Variants in PRSS36 observed in about 807,000 individuals in gnomAD.
The protein encoded by PRSS36 is serine protease 36.
A neutral mutation model predicts 94.3 loss-of-function variants in PRSS36; 90 were observed. The observed-to-expected ratio is 0.95, with a 90% CI of 0.80 to 1.14. The LOEUF (loss-of-function observed/expected upper bound fraction) is 1.14. Ranked by LOEUF, PRSS36 falls within the 50% of genes most tolerant of loss-of-function variation. The pLI, the probability that PRSS36 is intolerant of heterozygous loss-of-function variation, is 0.00. For synonymous variants in PRSS36, 500 were observed against 489.6 expected (o/e 1.02, Z -0.28); for missense variants, 1,158 against 1,135.0 (o/e 1.02, Z -0.29).
Position 31,141,968 on chromosome 16 carries a change from A to C in PRSS36, c.1522-8T>G. On this transcript the variant is annotated splice_region_variant and splice_polypyrimidine_tract_variant and intron_variant, in intron 10 of 14. Coordinates refer to ENST00000268281, the MANE Select transcript of PRSS36 (RefSeq NM_173502.5). ...GCTCCAACGCGAGTCATTCTGCAGC[A>C]ACAAAGTGTGTGTGTTACTTGCCTC... The C allele has an allele frequency of 6.2e-7, 1 of 1,613,098 alleles. No homozygotes were observed. Among genetic ancestry groups the C allele is most frequent in the Non-Finnish European group, 8.5e-7 (1 of 1,179,096 alleles).
At position 31,149,677 on chromosome 16, in the gene PRSS36, C is replaced by A; in HGVS notation, c.73+19G>T. On this transcript the variant is annotated intron_variant, in intron 2 of 14. Coordinates refer to ENST00000268281, the MANE Select transcript of PRSS36 (RefSeq NM_173502.5). Reference sequence around the variant, plus strand: ...TTTCTGCCTCTGCACGTGACTTTCCCCCAGTCCGGCTACCTTACCTGAGTC... The same window carrying A: ...TTTCTGCCTCTGCACGTGACTTTCCACCAGTCCGGCTACCTTACCTGAGTC... 6.2e-7 allele frequency: 1 copy of A among 1,614,172 alleles called. No homozygotes were observed. The highest frequency in any genetic ancestry group is 8.5e-7 in the Non-Finnish European group (1 of 1,180,010).
intron 3 of PRSS36, 34 bp downstream of exon 3, chr16:31,149,429 T>C: frequency 6.2e-7 from 1 of 1,612,938 alleles, no homozygotes; most frequent in East Asian, 2.2e-5. Context: ...TTAGCCTCCT[T>C]TAAGGTCTGA....
intron 10 of PRSS36, 119 bp downstream of exon 10, chr16:31,142,362 G>A (rs2057711269): frequency 8.7e-7 from 1 of 1,153,530 alleles, no homozygotes; most frequent in Non-Finnish European, 1.1e-6. Context: ...ACTCGGACCC[G>A]CCTTCCGCAG....
rs780810486 is a variant in PRSS36 at position 31,143,389 on chromosome 16, C to T, written c.1053G>A (p.Ala351=). The T allele has an allele frequency of 6.2e-6, 10 of 1,612,460 alleles. No individual in the cohort carries two copies. The highest frequency in any genetic ancestry group is 3.3e-4 in the Middle Eastern group (2 of 6,058). Residue 351 remains alanine (A), a synonymous_variant, in exon 8 of 15, where the codon GCG becomes GCA. Coordinates refer to ENST00000268281, the MANE Select transcript of PRSS36 (RefSeq NM_173502.5). ...MVPGSRPCHG[A]LVSESWVLAP... is the part of the protein sequence containing the mutation. ...CCAAGACCCAGCTTTCAGACACCAG[C>T]GCCCCATGGCAGGGTCTGGATCCTG...
At position 31,139,084 on chromosome 16, in the gene PRSS36, T is replaced by C. The variant is rs2057636485; in HGVS notation, c.*54A>G. 4 of 1,497,322 alleles carry C rather than the reference T, an allele frequency of 2.7e-6. No individual in the cohort carries two copies. Among genetic ancestry groups the C allele is most frequent in the Non-Finnish European group, 2.7e-6 (3 of 1,119,612 alleles). The allele number at this position is 1,497,322 out of a possible 1,614,324, so 92.8% of individuals were successfully genotyped here. Reference sequence around the variant, plus strand: ...CGGCTGGGCCACATTCCAGCCCCACTGGGCGGGAAGTAGAGGGTGGAGAAG... The same window carrying C: ...CGGCTGGGCCACATTCCAGCCCCACCGGGCGGGAAGTAGAGGGTGGAGAAG... On this transcript the variant is annotated 3_prime_UTR_variant, in exon 15 of 15. Coordinates refer to ENST00000268281, the MANE Select transcript of PRSS36 (RefSeq NM_173502.5).
intron 10 of PRSS36, among the ~76,000 whole-genome samples, 194 bp from the exon 11 acceptor site, chr16:31,142,154 TAGAG>T (rs1459353048): frequency 3.9e-5 from 6 of 152,290 alleles, no homozygotes; most frequent in Non-Finnish European, 7.4e-5. Context: ...AATCCAGAGA[TAGAG>T]AGAAACCATA....
At chr16:31,146,032 T>C in intron 5 of PRSS36, 77 bp from the exon 6 acceptor site, 2 of 1,418,140 alleles carry the variant, frequency 1.4e-6, no homozygotes, top group Non-Finnish European at 1.9e-6. Context: ...GTTTGCCTCC[T>C]GCGGCTGCTT....
At chr16:31,149,631 C>A in intron 2 of PRSS36, 65 bp downstream of exon 2, 1 of 1,610,014 alleles carries the variant, frequency 6.2e-7, no homozygotes, top group Non-Finnish European at 8.5e-7. Context: ...CCTGCCAGCA[C>A]CCATGCCAGT....
chr16:31,145,724 C>G, intron 6 of PRSS36, 65 bp downstream of exon 6: 1 of 1,493,884 alleles, frequency 6.7e-7, no homozygotes, highest in Non-Finnish European at 9.1e-7. Flanking sequence ...GAGAGATGTC[C>G]TTTATCTATT....
intron 10 of PRSS36, 151 bp downstream of exon 10, chr16:31,142,330 C>T: frequency 1.1e-6 from 1 of 915,150 alleles, no homozygotes; most frequent in South Asian, 1.9e-5. Flanking sequence ...CTTCCCCAGG[C>T]CCCGCTCCCT....
At position 31,142,894 on chromosome 16, in the gene PRSS36, G is replaced by T. The variant is rs1596847923; in HGVS notation, c.1200C>A (p.His400Gln). The change falls in exon 9 of 15, where the codon CAC (histidine) becomes CAA (glutamine). Residue 400 changes from histidine (H) to glutamine (Q), a missense_variant. Transcript: ENST00000268281. ...AGGCGTTGTCCCACGAAGCGTTCTC[G>T]TGCTGCACCAGGCGCGCCACCCGCT... ...RAERVARLVQHENASWDNASD... is the reference protein window; with the variant it reads ...RAERVARLVQQENASWDNASD... 15 of 1,552,692 alleles carry T rather than the reference G, an allele frequency of 9.7e-6. No homozygotes were observed. Among genetic ancestry groups the T allele is most frequent in the Non-Finnish European group, 1.3e-5 (15 of 1,154,856 alleles).
At position 31,139,335 on chromosome 16, in the gene PRSS36, C is replaced by A. The variant is rs201757658; in HGVS notation, c.2371G>T (p.Glu791Ter). 163 of 1,614,054 alleles carry A rather than the reference C, an allele frequency of 1.0e-4. No homozygotes were observed. The highest frequency in any genetic ancestry group is 3.7e-4 in the Admixed American group (22 of 60,000). ...TCAGGACCAATGGCAGCAAACAGCT[C>A]CCGGCTCCCTTGAACAGCCATGCCC... ...LVGMAVQGSR[E>*]LFAAIGPEEA... Residue 791 changes from glutamate (E) to a stop codon, truncating the protein, a stop_gained, in exon 15 of 15, where the codon GAG becomes TAG. Coordinates refer to ENST00000268281, the MANE Select transcript of PRSS36 (RefSeq NM_173502.5). LOFTEE classifies it low-confidence loss of function (END_TRUNC).
chr16:31,149,144 T>C lies in PRSS36; in HGVS notation c.201A>G (p.Gly67=). ...TWPWQVSLHH[G]GGHICGGSLI... is the part of the protein sequence containing the mutation. ...GGGAGCCCCCGCAGATGTGGCCACC[T>C]CCATGGTGCAGGCTCACTTGCCAAG... The change falls in exon 4 of 15, where the codon GGA becomes GGG. Residue 67 remains glycine, a synonymous_variant. Coordinates refer to ENST00000268281, the MANE Select transcript of PRSS36 (RefSeq NM_173502.5). 6.3e-7 allele frequency: 1 copy of C among 1,580,196 alleles called. No homozygotes were observed. Among genetic ancestry groups the C allele is most frequent in the African/African-American group, 1.3e-5 (1 of 74,730 alleles).
At chr16:31,146,882 G>C (rs2057806110) in intron 5 of PRSS36, among the ~76,000 whole-genome samples, 1 of 152,206 alleles carries the variant, frequency 6.6e-6, no homozygotes, top group Admixed American at 6.5e-5. Flanking sequence ...TTGGGAGATT[G>C]AGGCAGTAGA....
chr16:31,142,416 G>A, intron 10 of PRSS36, 65 bp downstream of exon 10: 2 of 1,398,728 alleles, frequency 1.4e-6, no homozygotes, highest in Non-Finnish European at 1.9e-6. Context: ...GCCTTCCACA[G>A]GCCCCGCCCT....
Position 31,148,440 on chromosome 16 carries a change from CG to C in PRSS36, c.507del (p.His169GlnfsTer30). 1 of 1,573,950 alleles carries C rather than the reference CG, an allele frequency of 6.4e-7. No homozygotes were observed. Among genetic ancestry groups the C allele is most frequent in the Non-Finnish European group, 8.6e-7 (1 of 1,167,692 alleles). On this transcript the variant is annotated frameshift_variant, in exon 5 of 15. Transcript: ENST00000268281. LOFTEE classifies it high-confidence loss of function. ...CAGCCGGTGGCCCAGCAGGCGGTGCCGTGCACGAAGCGGTGTGAGGCGCGGG... is the reference window on the plus strand; with the variant it reads ...CAGCCGGTGGCCCAGCAGGCGGTGCCTGCACGAAGCGGTGTGAGGCGCGGG... ...CLPRASHRFVHGTACWATGWG... is the reference protein window; with the variant it reads ...CLPRASHRFVXGTACWATGWG...
intron 10 of PRSS36, among the ~76,000 whole-genome samples, chr16:31,142,217 G>A (rs1461150990): frequency 1.3e-5 from 2 of 152,162 alleles, no homozygotes; most frequent in African/African-American, 4.8e-5. Flanking sequence ...TTCTCTAGGG[G>A]CAGGCCCCAC....
At chr16:31,146,013 A>G in intron 5 of PRSS36, 58 bp from the exon 6 acceptor site, 2 of 1,528,710 alleles carry the variant, frequency 1.3e-6, no homozygotes, top group Non-Finnish European at 1.8e-6. Flanking sequence ...CCCAGTTCCC[A>G]GGGTTCAGGT....
At chr16:31,141,402 A>AC (rs375503767) in intron 12 of PRSS36, 67 bp downstream of exon 12, 1 of 1,498,396 alleles carries the variant, frequency 6.7e-7, no homozygotes, top group Non-Finnish European at 8.9e-7. Context: ...CAAATAACAA[A>AC]AACAAGTCTT....
Sources: allele counts gnomAD v4.1 joint callset (sites outside exome capture counted in the v4.1 genomes callset), GRCh38; gene constraint gnomAD v4.1.1; transcripts MANE v1.5; gene names NCBI Gene and HGNC (gene_info 2026-07-23, HGNC 2026-07-21).